The following DACT3 variants were observed in gnomAD, a reference collection of about 807,000 sequenced individuals.
DACT3 encodes the protein dishevelled binding antagonist of beta catenin 3.
In DACT3, 5 loss-of-function variants were observed where a neutral mutation model predicts 19.6. That is an observed-to-expected ratio of 0.26 (90% CI 0.13 to 0.54). The LOEUF (loss-of-function observed/expected upper bound fraction) is 0.54, where lower values mean the gene tolerates loss of function less well. DACT3 is among the 20% of genes least tolerant of loss of function. The pLI, the probability that DACT3 is intolerant of heterozygous loss-of-function variation, is 0.95. For synonymous variants in DACT3, 454 were observed against 428.1 expected (o/e 1.06, Z -0.75); for missense variants, 908 against 927.4 (o/e 0.98, Z 0.27).
chr19:46,648,323 G>A lies in DACT3; in HGVS notation c.*159C>T. 2 of 1,211,372 alleles carry A rather than the reference G, an allele frequency of 1.7e-6. No homozygotes were observed. Among genetic ancestry groups the A allele is most frequent in the Non-Finnish European group, 2.3e-6 (2 of 870,034 alleles). The allele number at this position is 1,211,372 out of a possible 1,614,324, so 75.0% of individuals were successfully genotyped here. A position where few individuals can be genotyped will look rare whatever the true frequency, so the allele number is the denominator to read the frequency against. On this transcript the variant is annotated 3_prime_UTR_variant, in exon 4 of 4. Coordinates refer to ENST00000391916, the MANE Select transcript of DACT3 (RefSeq NM_145056.3). This position sits in a 1 kb window ranked among gnomAD's most constrained non-coding sequence, Gnocchi z 5.1. ...CCCATTCCTCTCGGTGGTGGTGGGG[G>A]AGCCTTTTCAACCAAGACTGTTAGG...
chr19:46,649,737 G>A lies in DACT3; in HGVS notation c.635C>T (p.Ala212Val), dbSNP rs924479727. The A allele has an allele frequency of 3.9e-6, 5 of 1,266,306 alleles. No homozygotes were observed. The African/African-American group carries it at 7.9e-5, about 20-fold the overall frequency. The allele number at this position is 1,266,306 out of a possible 1,614,324, so 78.4% of individuals were successfully genotyped here. A position where few individuals can be genotyped will look rare whatever the true frequency, so the allele number is the denominator to read the frequency against. The change falls in exon 4 of 4, where the codon GCC becomes GTC. Residue 212 changes from alanine (A) to valine (V), a missense_variant. Ala to Val is a moderately conservative substitution (Grantham distance 64). Coordinates refer to ENST00000391916, the MANE Select transcript of DACT3 (RefSeq NM_145056.3). ...ACSSAERRAR[A>V]GPFLTPSPLH... ...GGGGCTGGGCGTCAGAAAGGGCCCG[G>A]CGCGGGCCCGCCGCTCCGCCGAGGA...
At position 46,648,362 on chromosome 19, in the gene DACT3, AG is replaced by A; in HGVS notation, c.*119del. 2 of 1,480,884 alleles carry A rather than the reference AG, an allele frequency of 1.4e-6. No individual in the cohort carries two copies. Among genetic ancestry groups the A allele is most frequent in the Non-Finnish European group, 1.8e-6 (2 of 1,088,016 alleles). The allele number at this position is 1,480,884 out of a possible 1,614,324, so 91.7% of individuals were successfully genotyped here. On this transcript the variant is annotated 3_prime_UTR_variant, in exon 4 of 4. Transcript: ENST00000391916. The surrounding 1 kb of genome is among the most constrained non-coding windows in gnomAD (Gnocchi z 5.1). Reference sequence around the variant, plus strand: ...AAGACTGTTAGGAGTGGGGAGAGTGAGGGGGGTCTTTGGAAGCAGAGAAAAC... The same window carrying A: ...AAGACTGTTAGGAGTGGGGAGAGTGAGGGGGTCTTTGGAAGCAGAGAAAAC...
In DACT3 at chr19:46,649,872, C is replaced by A; in HGVS notation, c.500G>T (p.Gly167Val). Residue 167 changes from glycine (G) to valine (V), a missense_variant and splice_region_variant, in exon 4 of 4, where the codon GGA becomes GTA. Around this residue, in one of 2 missense-constraint regions of DACT3, gnomAD observed 252 missense variants for 325.6 expected, o/e 0.77. Coordinates refer to ENST00000391916, the MANE Select transcript of DACT3 (RefSeq NM_145056.3). Reference sequence around the variant, plus strand: ...CTCCGGAGCGCTGGGACTGGCGTCTCCTAGGGAAGGAAGGCCAAAAAAAAA... The same window carrying A: ...CTCCGGAGCGCTGGGACTGGCGTCTACTAGGGAAGGAAGGCCAAAAAAAAA... Reference protein sequence around the residue: ...IYASERPKSLGDASPSAPEVV... With the variant: ...IYASERPKSLVDASPSAPEVV... The A allele has an allele frequency of 7.3e-7, 1 of 1,365,032 alleles. No homozygotes were observed. 84.6% of individuals were successfully genotyped at this position (1,365,032 alleles called of 1,614,324 possible).
At chr19:46,654,548 C>T in intron 1 of DACT3, 1 of 984,612 alleles carries the variant, frequency 1.0e-6, no homozygotes, top group Non-Finnish European at 1.2e-6. Flanking sequence ...CTTCTTGCTG[C>T]AGGAAAAGAG....
chr19:46,659,120 G>A (rs2053054174), intron 1 of DACT3: 1 of 985,152 alleles, frequency 1.0e-6, no homozygotes, highest in Non-Finnish European at 1.2e-6. Context: ...CTCTTCAGAG[G>A]GACCCAGGAA....
At chr19:46,651,873 C>T (rs1224708348) in intron 3 of DACT3, 3 of 151,800 alleles carry the variant, frequency 2.0e-5, no homozygotes, top group Non-Finnish European at 2.9e-5. Context: ...TATTGAGGCA[C>T]TGTTATTATA....
Position 46,649,487 on chromosome 19 carries a change from G to T in DACT3, c.885C>A (p.Ser295=). 8.8e-7 allele frequency: 1 copy of T among 1,132,512 alleles called. No individual in the cohort carries two copies. The highest frequency in any genetic ancestry group is 4.1e-5 in the South Asian group (1 of 24,630). 70.2% of individuals were successfully genotyped at this position (1,132,512 alleles called of 1,614,324 possible). The change falls in exon 4 of 4, where the codon TCC becomes TCA. Residue 295 remains serine (S), a synonymous_variant. Transcript: ENST00000391916. Reference sequence around the variant, plus strand: ...CCCGCGCGGGTCGCGCGCTGCCGGGGGACGGAGACGCGTCGGGCGGCCGCT... The same window carrying T: ...CCCGCGCGGGTCGCGCGCTGCCGGGTGACGGAGACGCGTCGGGCGGCCGCT... The part of the protein sequence containing the change: ...VRQRPPDASP[S]PGSARPAREP...
chr19:46,659,185 C>A lies in DACT3; in HGVS notation c.249+1631G>T, dbSNP rs1360463495. On this transcript the variant is annotated intron_variant, in intron 1 of 3. Transcript: ENST00000391916. ...CGCTTCTCTGCTCCTCCTCCTCCCC[C>A]CGCCTGCCACCGCCTCCTCCCTGAT... is the stretch of plus-strand genomic sequence containing the variant. 9 of 985,126 alleles carry A rather than the reference C, an allele frequency of 9.1e-6. No individual in the cohort carries two copies. The Admixed American group carries it at 2.5e-4, about 27-fold the overall frequency. The allele number at this position is 985,126 out of a possible 1,614,324, so 61.0% of individuals were successfully genotyped here. A position where few individuals can be genotyped will look rare whatever the true frequency, so the allele number is the denominator to read the frequency against.
In DACT3 at chr19:46,661,090, G is replaced by A; in HGVS notation, c.-26C>T. On this transcript the variant is annotated 5_prime_UTR_variant, in exon 1 of 4. Coordinates refer to ENST00000391916, the MANE Select transcript of DACT3 (RefSeq NM_145056.3). ...GGCTGCGGCCCCCCGCCCCAGCCCGGCCGGGCCCCGCGGCCACCCCTCTCC... is the reference window on the plus strand; with the variant it reads ...GGCTGCGGCCCCCCGCCCCAGCCCGACCGGGCCCCGCGGCCACCCCTCTCC... The A allele has an allele frequency of 7.1e-7, 1 of 1,398,930 alleles. No homozygotes were observed. Among genetic ancestry groups the A allele is most frequent in the South Asian group, 1.5e-5 (1 of 64,604 alleles). 86.7% of individuals were successfully genotyped at this position (1,398,930 alleles called of 1,614,324 possible).
intron 1 of DACT3, among the ~76,000 whole-genome samples, chr19:46,656,667 A>G (rs1042941442): frequency 7.2e-5 from 11 of 152,202 alleles, no homozygotes; most frequent in African/African-American, 2.7e-4. Context: ...TTTTAAAAAG[A>G]AATATTAGAT....
intron 1 of DACT3, among the ~76,000 whole-genome samples, chr19:46,656,979 A>T (rs1276168758): frequency 6.6e-6 from 1 of 152,132 alleles, no homozygotes; most frequent in Non-Finnish European, 1.5e-5. Context: ...AGTCTCTGGG[A>T]CCTCACCCAA....
chr19:46,648,321 G>A lies in DACT3; in HGVS notation c.*161C>T. 2 of 1,200,408 alleles carry A rather than the reference G, an allele frequency of 1.7e-6. No homozygotes were observed. Among genetic ancestry groups the A allele is most frequent in the Non-Finnish European group, 2.3e-6 (2 of 859,104 alleles). 74.4% of individuals were successfully genotyped at this position (1,200,408 alleles called of 1,614,324 possible). A position where few individuals can be genotyped will look rare whatever the true frequency, so the allele number is the denominator to read the frequency against. Reference sequence around the variant, plus strand: ...TCCCCATTCCTCTCGGTGGTGGTGGGGGAGCCTTTTCAACCAAGACTGTTA... The same window carrying A: ...TCCCCATTCCTCTCGGTGGTGGTGGAGGAGCCTTTTCAACCAAGACTGTTA... On this transcript the variant is annotated 3_prime_UTR_variant, in exon 4 of 4. Transcript: ENST00000391916. This position sits in a 1 kb window ranked among gnomAD's most constrained non-coding sequence, Gnocchi z 5.1.
intron 1 of DACT3, chr19:46,655,030 T>TAA (rs1000002893): frequency 2.8e-5 from 28 of 983,844 alleles, no homozygotes; most frequent in Non-Finnish European, 3.3e-5. Flanking sequence ...AGGAAGTAAC[T>TAA]AAAAAAAAAT....
chr19:46,658,512 A>C (rs2053049006), intron 1 of DACT3, among the ~76,000 whole-genome samples: 1 of 152,242 alleles, frequency 6.6e-6, no homozygotes, highest in Non-Finnish European at 1.5e-5. Context: ...GAAATTAGGG[A>C]GACAGACAGG....
chr19:46,649,717 T>C lies in DACT3; in HGVS notation c.655A>G (p.Ser219Gly). ...RARAGPFLTPSPLHAVAMRSP... is the reference protein window; with the variant it reads ...RARAGPFLTPGPLHAVAMRSP... ...CGCATCGCCACGGCGTGCAGGGGGC[T>C]GGGCGTCAGAAAGGGCCCGGCGCGG... The change falls in exon 4 of 4, where the codon AGC becomes GGC. Residue 219 changes from serine (S) to glycine (G), a missense_variant. Physicochemically the swap from Ser to Gly is moderately conservative, Grantham distance 56. Coordinates refer to ENST00000391916, the MANE Select transcript of DACT3 (RefSeq NM_145056.3). 8.1e-7 allele frequency: 1 copy of C among 1,231,526 alleles called. No homozygotes were observed. The highest frequency in any genetic ancestry group is 1.0e-6 in the Non-Finnish European group (1 of 987,670). The allele number at this position is 1,231,526 out of a possible 1,614,324, so 76.3% of individuals were successfully genotyped here. A position where few individuals can be genotyped will look rare whatever the true frequency, so the allele number is the denominator to read the frequency against.
intron 2 of DACT3, 38 bp from the exon 3 acceptor site, chr19:46,652,850 TTGGG>T: frequency 6.5e-7 from 1 of 1,543,024 alleles, no homozygotes; most frequent in Non-Finnish European, 8.8e-7. Context: ...TTCAGGGGGT[TTGGG>T]TGGGAAAACC....
rs1399432654 is a variant in DACT3 at position 46,648,729 on chromosome 19, C to T, written c.1643G>A (p.Ser548Asn). Residue 548 changes from serine (S) to asparagine (N), a missense_variant, in exon 4 of 4, where the codon AGC becomes AAC. Ser to Asn is a conservative substitution (Grantham distance 46). Transcript: ENST00000391916. This position sits in a 1 kb window ranked among gnomAD's most constrained non-coding sequence, Gnocchi z 5.1. ...TTCTCCCTCGCTGGCGCTCGATTCG[C>T]TCTCCCCGTAACCCCCGCCGACGCC... ...AGGVGGGYGE[S>N]ESSASEGESP... 6.2e-7 allele frequency: 1 copy of T among 1,601,134 alleles called. No individual in the cohort carries two copies. The highest frequency in any genetic ancestry group is 1.3e-5 in the African/African-American group (1 of 74,816).
chr19:46,655,885 G>A (rs117971931), intron 1 of DACT3, among the ~76,000 whole-genome samples: 4,673 of 148,792 alleles, frequency 0.031, 132 homozygotes, highest in African/African-American at 0.076. Flanking sequence ...CAGCCTAGGC[G>A]ACATAGTGAG....
At position 46,649,593 on chromosome 19, in the gene DACT3, C is replaced by T. The variant is rs1341741422; in HGVS notation, c.779G>A (p.Arg260His). 3 of 1,108,440 alleles carry T rather than the reference C, an allele frequency of 2.7e-6. No individual in the cohort carries two copies. Among genetic ancestry groups the T allele is most frequent in the Non-Finnish European group, 1.1e-6 (1 of 905,788 alleles). 68.7% of individuals were successfully genotyped at this position (1,108,440 alleles called of 1,614,324 possible). A position where few individuals can be genotyped will look rare whatever the true frequency, so the allele number is the denominator to read the frequency against. Residue 260 changes from arginine (R) to histidine (H), a missense_variant, in exon 4 of 4, where the codon CGC becomes CAC. This residue lies in a region of DACT3 where 656 missense variants were observed against 601.8 expected (regional missense o/e 1.09). Coordinates refer to ENST00000391916, the MANE Select transcript of DACT3 (RefSeq NM_145056.3). ...DGYISALLRR[R>H]RRRGAGQPRT... is the part of the protein sequence containing the mutation. ...GGGCTGGCCCGCCCCCCGGCGGCGG[C>T]GCCTGCGCAGGAGCGCCGAGATGTA...
Sources: allele counts gnomAD v4.1 joint callset (sites outside exome capture counted in the v4.1 genomes callset), GRCh38; gene constraint gnomAD v4.1.1; regional missense constraint gnomAD v4.1.1; non-coding constraint Gnocchi (gnomAD v3.1); transcripts MANE v1.5; gene names NCBI Gene and HGNC (gene_info 2026-07-23, HGNC 2026-07-21).